The following LAMA2 variants were observed in gnomAD, a reference collection of about 807,000 sequenced individuals.
LAMA2 encodes the protein laminin subunit alpha-2.
In LAMA2, 269 loss-of-function variants were observed where a neutral mutation model predicts 364.8. The observed-to-expected ratio is 0.74, with a 90% CI of 0.67 to 0.82. The LOEUF is 0.82. LAMA2 is among the 40% of genes least tolerant of loss of function. The probability of loss-of-function intolerance (pLI) is 0.00; values close to 1 mark genes in which losing one functional copy is unlikely to be tolerated. For synonymous variants in LAMA2, 1,379 were observed against 1,370.6 expected (o/e 1.01, Z -0.14); for missense variants, 3,807 against 3,873.2 (o/e 0.98, Z 0.45).
chr6:129,384,815 G>A (rs1321912152), intron 35 of LAMA2, among the ~76,000 whole-genome samples: 3 of 151,940 alleles, frequency 2.0e-5, no homozygotes, highest in Non-Finnish European at 4.4e-5. Context: ...GTCTGATTGT[G>A]TCTGTCCAGA....
chr6:129,440,120 C>T (rs141835505), intron 42 of LAMA2, among the ~76,000 whole-genome samples: 187 of 152,086 alleles, frequency 1.2e-3, no homozygotes, highest in African/African-American at 4.0e-3. Context: ...AAACTTAAAC[C>T]CCACAGTTTG....
chr6:129,005,478 CTT>C (rs1269805776), intron 1 of LAMA2, among the ~76,000 whole-genome samples: 1 of 151,778 alleles, frequency 6.6e-6, no homozygotes, highest in East Asian at 1.9e-4. Context: ...AAAAAAATAT[CTT>C]GATACTTGTA....
intron 1 of LAMA2, among the ~76,000 whole-genome samples, chr6:128,969,026 A>G (rs1782025614): frequency 6.6e-6 from 1 of 152,066 alleles, no homozygotes; most frequent in South Asian, 2.1e-4. Flanking sequence ...GGTTTCTATA[A>G]TTTCCAAGCT....
At chr6:129,507,668 T>C in intron 62 of LAMA2, 26 bp downstream of exon 62, 1 of 1,611,014 alleles carries the variant, frequency 6.2e-7, no homozygotes, top group Non-Finnish European at 8.5e-7. Flanking sequence ...TTCCTTCCTG[T>C]TGATTATTAA....
At chr6:129,106,376 A>G (rs572820976) in intron 4 of LAMA2, among the ~76,000 whole-genome samples, 12 of 152,336 alleles carry the variant, frequency 7.9e-5, no homozygotes, top group Admixed American at 4.6e-4. Context: ...TGTTAAGGTT[A>G]TAACATGATT....
chr6:128,959,558 G>GCACTGGC (rs1781353969), intron 1 of LAMA2, among the ~76,000 whole-genome samples: 1 of 152,032 alleles, frequency 6.6e-6, no homozygotes, highest in Non-Finnish European at 1.5e-5. Context: ...CAGGTGCTTT[G>GCACTGGC]CACTGGCTGG....
chr6:129,490,932 G>C (rs920265854), intron 56 of LAMA2: 2 of 152,064 alleles, frequency 1.3e-5, no homozygotes, highest in Non-Finnish European at 2.9e-5. Context: ...TATCTTACTT[G>C]TAAAGTGCCA....
chr6:129,133,149 A>G (rs1029862090), intron 4 of LAMA2, among the ~76,000 whole-genome samples: 5 of 152,220 alleles, frequency 3.3e-5, no homozygotes, highest in Non-Finnish European at 2.9e-5. Context: ...AAGACTCATC[A>G]TTTATGAAAA....
At chr6:129,075,793 A>G (rs1253941368) in intron 3 of LAMA2, among the ~76,000 whole-genome samples, 1 of 152,064 alleles carries the variant, frequency 6.6e-6, no homozygotes, top group Admixed American at 6.6e-5. Context: ...GTTATCTTTG[A>G]AGCATTCGAG....
chr6:129,238,900 T>G (rs1176985369), intron 12 of LAMA2, among the ~76,000 whole-genome samples: 2 of 152,192 alleles, frequency 1.3e-5, no homozygotes, highest in African/African-American at 4.8e-5. Flanking sequence ...TCTACCTTTT[T>G]TTTTTGTATT....
chr6:128,979,042 G>A (rs150478254), intron 1 of LAMA2, among the ~76,000 whole-genome samples: 1 of 152,268 alleles, frequency 6.6e-6, no homozygotes, highest in East Asian at 1.9e-4. Context: ...AGAATTTGGT[G>A]CATTATACTC....
Position 129,153,227 on chromosome 6 carries a change from T to C in LAMA2, c.1028-1278T>C, listed in dbSNP as rs150160314. ...AAGAAAAATCAATTGCTAACTTCTTTATAAGACATTACGCTAATGATTTCA... is the reference window on the plus strand; with the variant it reads ...AAGAAAAATCAATTGCTAACTTCTTCATAAGACATTACGCTAATGATTTCA... On this transcript the variant is annotated intron_variant, in intron 7 of 64. Coordinates refer to ENST00000421865, the MANE Select transcript of LAMA2 (RefSeq NM_000426.4). Among the ~76,000 whole-genome samples, 24 of 152,324 alleles carry C rather than the reference T, an allele frequency of 1.6e-4. No homozygotes were observed. In the East Asian group the frequency reaches 4.6e-3, roughly 29 times the overall value.
At chr6:128,917,210 A>G (rs1778379407) in intron 1 of LAMA2, among the ~76,000 whole-genome samples, 1 of 151,896 alleles carries the variant, frequency 6.6e-6, no homozygotes, top group African/African-American at 2.4e-5. Context: ...GAATTAATAT[A>G]TGTTTACTAT....
chr6:128,958,856 G>A (rs1781307357), intron 1 of LAMA2, among the ~76,000 whole-genome samples: 2 of 151,920 alleles, frequency 1.3e-5, no homozygotes, highest in Admixed American at 1.3e-4. Context: ...TTTACCCCCG[G>A]ATTTAAAAAT....
At chr6:129,317,721 TC>T (rs59555377) in intron 27 of LAMA2, among the ~76,000 whole-genome samples, 4,905 of 152,292 alleles carry the variant, frequency 0.032, 246 homozygotes, top group African/African-American at 0.11. Flanking sequence ...GCAGGTAATT[TC>T]GTGAGTTTGC....
intron 4 of LAMA2, among the ~76,000 whole-genome samples, chr6:129,113,200 G>A (rs935247513): frequency 1.3e-5 from 2 of 151,946 alleles, no homozygotes; most frequent in Non-Finnish European, 2.9e-5. Context: ...TAACATGAGG[G>A]GCTCTGTCAC....
intron 12 of LAMA2, among the ~76,000 whole-genome samples, chr6:129,238,108 G>A (rs977674174): frequency 3.3e-5 from 5 of 151,306 alleles, no homozygotes; most frequent in African/African-American, 4.9e-5. Context: ...GGGAGACAGA[G>A]GTTGCAGTGA....
intron 40 of LAMA2, among the ~76,000 whole-genome samples, chr6:129,422,003 G>C (rs1015369504): frequency 1.3e-5 from 2 of 151,818 alleles, no homozygotes; most frequent in African/African-American, 4.8e-5. Context: ...ATTGCTCATT[G>C]CCCAGTTTCC....
intron 31 of LAMA2, among the ~76,000 whole-genome samples, chr6:129,351,980 C>A (rs972577744): frequency 2.6e-5 from 4 of 152,312 alleles, no homozygotes; most frequent in African/African-American, 9.6e-5. Context: ...TTCACAGTCT[C>A]AGGCAGCTAA....
Sources: gnomAD v4.1 joint callset for allele counts (sites outside exome capture counted in the v4.1 genomes callset) on GRCh38, gnomAD v4.1.1 for gene constraint, MANE v1.5 for transcripts, NCBI Gene and HGNC (gene_info 2026-07-23, HGNC 2026-07-21) for gene names.